Variants in KCNK13 observed in about 807,000 individuals in gnomAD.
The protein encoded by KCNK13 is potassium two pore domain channel subfamily K member 13, also known as potassium channel subfamily K member 13.
A neutral mutation model predicts 23.4 loss-of-function variants in KCNK13; 12 were observed. That is an observed-to-expected ratio of 0.51 (90% CI 0.33 to 0.83). The LOEUF is 0.83. KCNK13 is among the 40% of genes least tolerant of loss of function. KCNK13 has a pLI of 0.02. For synonymous variants in KCNK13, 231 were observed against 229.5 expected, an observed-to-expected ratio of 1.01 and a Z score of -0.06; for missense variants, 463 against 556.3, an observed-to-expected ratio of 0.83 and a Z score of 1.69.
At chr14:90,110,946 T>C (rs1889609180) in intron 1 of KCNK13, among the ~76,000 whole-genome samples, 1 of 151,710 alleles carries the variant, frequency 6.6e-6, no homozygotes, top group Admixed American at 6.6e-5. Context: ...GAGGCAGAGT[T>C]TGCAGTGAGC....
At chr14:90,099,861 C>T (rs1490486830) in intron 1 of KCNK13, among the ~76,000 whole-genome samples, 7 of 152,096 alleles carry the variant, frequency 4.6e-5, no homozygotes, top group African/African-American at 1.7e-4. Context: ...ATTTTTTCTT[C>T]CAGGGGAGGT....
intron 1 of KCNK13, among the ~76,000 whole-genome samples, chr14:90,108,280 C>A (rs142287118): frequency 6.6e-6 from 1 of 152,124 alleles, no homozygotes; most frequent in Non-Finnish European, 1.5e-5. Flanking sequence ...CTTTGGCACG[C>A]GTTTCTTACT....
chr14:90,074,743 C>T (rs1303472593), intron 1 of KCNK13, among the ~76,000 whole-genome samples: 1 of 152,124 alleles, frequency 6.6e-6, no homozygotes, highest in Admixed American at 6.6e-5. Flanking sequence ...TATCCACAAC[C>T]ACCCTCCAAA....
chr14:90,159,631 C>G (rs1231189018), intron 1 of KCNK13, among the ~76,000 whole-genome samples: 1 of 152,140 alleles, frequency 6.6e-6, no homozygotes, highest in Non-Finnish European at 1.5e-5. Flanking sequence ...CACAGCCTCC[C>G]CTTAGAAGGG....
intron 1 of KCNK13, among the ~76,000 whole-genome samples, chr14:90,116,374 C>A (rs1431433478): frequency 6.6e-6 from 1 of 152,164 alleles, no homozygotes; most frequent in Non-Finnish European, 1.5e-5. Flanking sequence ...ACAAGCATGG[C>A]TGTGGTTGAG....
At chr14:90,130,179 C>CATTTATATATTT (rs1889850379) in intron 1 of KCNK13, among the ~76,000 whole-genome samples, 1 of 142,056 alleles carries the variant, frequency 7.0e-6, no homozygotes, top group Admixed American at 7.1e-5. Context: ...TGGAGAAGGA[C>CATTTATATATTT]ATTTATTTAT....
chr14:90,175,735 C>T (rs1041187780), intron 1 of KCNK13, among the ~76,000 whole-genome samples: 4 of 152,224 alleles, frequency 2.6e-5, no homozygotes, highest in Admixed American at 6.5e-5. Context: ...GTGTTTCTCA[C>T]AATGCTGTGA....
intron 1 of KCNK13, among the ~76,000 whole-genome samples, chr14:90,171,732 G>A (rs908284313): frequency 9.9e-5 from 15 of 152,270 alleles, no homozygotes; most frequent in African/African-American, 3.1e-4. Context: ...TTGAGTTTCC[G>A]ATTAGCCTTT....
intron 1 of KCNK13, among the ~76,000 whole-genome samples, chr14:90,163,772 C>T (rs1890274965): frequency 6.6e-6 from 1 of 152,198 alleles, no homozygotes; most frequent in South Asian, 2.1e-4. Context: ...TCACTGCAGC[C>T]TCCGCCTCCT....
At chr14:90,157,702 C>CTTTTTTTTTTTTT (rs34114368) in intron 1 of KCNK13, among the ~76,000 whole-genome samples, 5 of 100,304 alleles carry the variant, frequency 5.0e-5, no homozygotes, top group East Asian at 4.0e-4. Flanking sequence ...CTTGGCTTTC[C>CTTTTTTTTTTTTT]TTTTTTTTTT....
chr14:90,119,229 T>G (rs1889709592), intron 1 of KCNK13, among the ~76,000 whole-genome samples: 1 of 152,146 alleles, frequency 6.6e-6, no homozygotes, highest in Non-Finnish European at 1.5e-5. Context: ...GAAGAGCTGG[T>G]AACATTCCTA....
intron 1 of KCNK13, among the ~76,000 whole-genome samples, chr14:90,173,194 G>A (rs1282667371): frequency 6.6e-6 from 1 of 152,124 alleles, no homozygotes; most frequent in Non-Finnish European, 1.5e-5. Flanking sequence ...GAATATCAGC[G>A]AGAATATGAA....
chr14:90,083,511 A>G (rs751393727), intron 1 of KCNK13, among the ~76,000 whole-genome samples: 10 of 152,190 alleles, frequency 6.6e-5, no homozygotes, highest in Non-Finnish European at 1.3e-4. Context: ...TCACATGGAA[A>G]TTTAATTGCC....
chr14:90,085,744 TA>T (rs1403147050), intron 1 of KCNK13, among the ~76,000 whole-genome samples: 3 of 126,214 alleles, frequency 2.4e-5, no homozygotes, highest in African/African-American at 9.0e-5. Flanking sequence ...TATACTTATA[TA>T]ATTATATATT....
At chr14:90,072,598 A>G (rs1017546603) in intron 1 of KCNK13, among the ~76,000 whole-genome samples, 1 of 152,128 alleles carries the variant, frequency 6.6e-6, no homozygotes, top group African/African-American at 2.4e-5. Flanking sequence ...TTTATAGTTC[A>G]CTTAAAGGAC....
chr14:90,096,890 G>A (rs11623566), intron 1 of KCNK13, among the ~76,000 whole-genome samples: 39,900 of 152,068 alleles, frequency 0.26, 5,921 homozygotes, highest in South Asian at 0.4. Context: ...AACAACTAAC[G>A]ATGACTGCCT....
In KCNK13 at chr14:90,062,613, C is replaced by T. The variant is rs1888959442; in HGVS notation, c.334+74C>T. On this transcript the variant is annotated intron_variant, in intron 1 of 1. Transcript: ENST00000282146. This position sits in a 1 kb window ranked among gnomAD's most constrained non-coding sequence, Gnocchi z 4.5. ...TCCTCCGGGGGGCAGGACCGACCCT[C>T]TCATCCTTTCATTCATCCATCTGGG... The T allele has an allele frequency of 8.5e-7, 1 of 1,173,120 alleles. No homozygotes were observed. Among genetic ancestry groups the T allele is most frequent in the East Asian group, 2.9e-5 (1 of 34,260 alleles). The allele number at this position is 1,173,120 out of a possible 1,614,324, so 72.7% of individuals were successfully genotyped here.
At chr14:90,089,418 A>G (rs1316370158) in intron 1 of KCNK13, among the ~76,000 whole-genome samples, 1 of 152,206 alleles carries the variant, frequency 6.6e-6, no homozygotes, top group Admixed American at 6.5e-5. Context: ...TGTTTGGCAA[A>G]AGAAATCTCT....
intron 1 of KCNK13, chr14:90,177,322 T>A (rs1478654882): frequency 3.3e-5 from 5 of 152,216 alleles, no homozygotes; most frequent in Non-Finnish European, 7.3e-5. Context: ...TGCACTTGGC[T>A]AGTCTTTAAA....
Sources: allele counts gnomAD v4.1 joint callset (sites outside exome capture counted in the v4.1 genomes callset), GRCh38; gene constraint gnomAD v4.1.1; non-coding constraint Gnocchi (gnomAD v3.1); transcripts MANE v1.5; gene names NCBI Gene and HGNC (gene_info 2026-07-23, HGNC 2026-07-21).